Variants in OPRD1 observed in about 807,000 individuals in gnomAD.
OPRD1 encodes the protein opioid receptor delta 1, also known as delta-type opioid receptor.
OPRD1 carries 19 observed loss-of-function variants against 17.5 expected under a neutral mutation model. The observed-to-expected ratio is 1.09, with a 90% CI of 0.76 to 1.60. The LOEUF (loss-of-function observed/expected upper bound fraction) is 1.60. Ranked by LOEUF, OPRD1 falls within the 40% of genes most tolerant of loss-of-function variation. The pLI is 0.00. For missense variants in OPRD1, 483 were observed against 547.2 expected (o/e 0.88, Z 1.17); for synonymous variants, 256 against 240.9 (o/e 1.06, Z -0.58).
chr1:28,813,360 C>G (rs2088648360), intron 1 of OPRD1, among the ~76,000 whole-genome samples: 1 of 152,176 alleles, frequency 6.6e-6, no homozygotes, highest in East Asian at 1.9e-4. Context: ...CCCATCTGGT[C>G]AGGAATTCTG....
intron 1 of OPRD1, among the ~76,000 whole-genome samples, chr1:28,829,183 C>T (rs1297105366): frequency 6.6e-6 from 1 of 152,104 alleles, no homozygotes; most frequent in East Asian, 1.9e-4. Context: ...ATGGACCAGC[C>T]TCTGCCACCT....
intron 1 of OPRD1, among the ~76,000 whole-genome samples, chr1:28,825,600 G>T (rs982603803): frequency 6.6e-6 from 1 of 152,148 alleles, no homozygotes; most frequent in Non-Finnish European, 1.5e-5. Context: ...TGGTCAGGCT[G>T]GTCTTGAACT....
intron 1 of OPRD1, among the ~76,000 whole-genome samples, chr1:28,856,585 C>T (rs1235302227): frequency 1.3e-5 from 2 of 152,192 alleles, no homozygotes; most frequent in African/African-American, 4.8e-5. Flanking sequence ...ATAGCCCTGT[C>T]TCGGGGTGCC....
intron 1 of OPRD1, among the ~76,000 whole-genome samples, chr1:28,843,344 A>C (rs1408997071): frequency 6.6e-6 from 1 of 152,138 alleles, no homozygotes; most frequent in African/African-American, 2.4e-5. Flanking sequence ...CATTAAGTAC[A>C]TTCACACTGT....
chr1:28,859,035 T>C lies in OPRD1; in HGVS notation c.309T>C (p.Pro103=). The C allele has an allele frequency of 1.2e-6, 2 of 1,614,202 alleles. No homozygotes were observed. The highest frequency in any genetic ancestry group is 1.7e-6 in the Non-Finnish European group (2 of 1,180,040). Residue 103 remains proline (P), a synonymous_variant, in exon 2 of 3, where the codon CCT becomes CCC. Transcript: ENST00000234961. ...ATGCGCTGGCCACCAGCACGCTGCC[T>C]TTCCAGAGTGCCAAGTACCTGATGG... The part of the protein sequence containing the change: ...LADALATSTL[P]FQSAKYLMET...
At chr1:28,831,222 G>A (rs1365709738) in intron 1 of OPRD1, among the ~76,000 whole-genome samples, 2 of 152,192 alleles carry the variant, frequency 1.3e-5, no homozygotes, top group Non-Finnish European at 2.9e-5. Flanking sequence ...CCATATAAGA[G>A]AGGGCTCGGC....
intron 1 of OPRD1, among the ~76,000 whole-genome samples, chr1:28,836,017 C>T (rs1456157290): frequency 1.3e-5 from 2 of 152,200 alleles, no homozygotes; most frequent in African/African-American, 4.8e-5. Flanking sequence ...CGCTCGTAAA[C>T]GCTCTACCCA....
chr1:28,830,596 T>G (rs535821539), intron 1 of OPRD1, among the ~76,000 whole-genome samples: 4 of 152,138 alleles, frequency 2.6e-5, no homozygotes, highest in Admixed American at 6.5e-5. Context: ...TATGAAAAAT[T>G]TGAAATATTG....
At chr1:28,822,940 C>T (rs1191356840) in intron 1 of OPRD1, among the ~76,000 whole-genome samples, 5 of 152,080 alleles carry the variant, frequency 3.3e-5, no homozygotes, top group Non-Finnish European at 5.9e-5. Flanking sequence ...ATTGGCCACA[C>T]GGAATGTCAT....
chr1:28,819,449 G>A (rs1184624540), intron 1 of OPRD1, among the ~76,000 whole-genome samples: 1 of 152,160 alleles, frequency 6.6e-6, no homozygotes, highest in African/African-American at 2.4e-5. Flanking sequence ...CCTGGGGAGT[G>A]TGTGTGACTT....
chr1:28,840,815 G>A (rs1002523861), intron 1 of OPRD1, among the ~76,000 whole-genome samples: 6 of 152,026 alleles, frequency 3.9e-5, no homozygotes, highest in Non-Finnish European at 8.8e-5. Context: ...CCAGCTACTC[G>A]GGAGGCTGAG....
rs1243359489 is a variant in OPRD1 at position 28,868,777 on chromosome 1, TTACAGTGA to T, written c.*5495_*5502del. 1 of 151,708 alleles carries T rather than the reference TTACAGTGA, an allele frequency of 6.6e-6. No individual in the cohort carries two copies. The highest frequency in any genetic ancestry group is 2.4e-5 in the African/African-American group (1 of 41,204). The allele number at this position is 151,708 out of a possible 1,614,324, so 9.4% of individuals were successfully genotyped here. ...ATCGCCTGAACCCAGGAAGCAGAGGTTACAGTGAGCCAAGATCTTGCCACTGTACTCCA... is the reference window on the plus strand; with the variant it reads ...ATCGCCTGAACCCAGGAAGCAGAGGTGCCAAGATCTTGCCACTGTACTCCA... On this transcript the variant is annotated 3_prime_UTR_variant, in exon 3 of 3. Coordinates refer to ENST00000234961, the MANE Select transcript of OPRD1 (RefSeq NM_000911.4).
intron 1 of OPRD1, among the ~76,000 whole-genome samples, chr1:28,823,879 C>T (rs932958553): frequency 3.3e-5 from 5 of 149,604 alleles, no homozygotes; most frequent in Non-Finnish European, 7.4e-5. Context: ...CCTGTGAGGT[C>T]AAAAAAACCC....
chr1:28,852,223 T>TCCAGGACA (rs1177663111), intron 1 of OPRD1, among the ~76,000 whole-genome samples: 6 of 143,966 alleles, frequency 4.2e-5, no homozygotes, highest in Non-Finnish European at 9.1e-5. Flanking sequence ...GGAGGAAAGG[T>TCCAGGACA]CCAGGACATA....
In OPRD1 at chr1:28,848,746, G is replaced by T. The variant is rs2088974326; in HGVS notation, c.228-10208G>T. 2.0e-5 allele frequency among the ~76,000 whole-genome samples: 3 copies of T among 152,228 alleles called. 1 individual carries two copies. The South Asian group carries it at 6.2e-4, about 32-fold the overall frequency. On this transcript the variant is annotated intron_variant, in intron 1 of 2. Coordinates refer to ENST00000234961, the MANE Select transcript of OPRD1 (RefSeq NM_000911.4). ...TACCAGATGTTGGCACTTAGACTGAGTTCAATACCAGCTCTGCCACTTACT... is the reference window on the plus strand; with the variant it reads ...TACCAGATGTTGGCACTTAGACTGATTTCAATACCAGCTCTGCCACTTACT...
Position 28,862,845 on chromosome 1 carries a change from C to T in OPRD1, c.681C>T (p.Leu227=). 1 of 1,613,070 alleles carries T rather than the reference C, an allele frequency of 6.2e-7. No individual in the cohort carries two copies. ...TCTTCGCCTTCGTGGTGCCCATCCT[C>T]ATCATCACCGTGTGCTATGGCCTCA... ...VFLFAFVVPI[L]IITVCYGLML... is the part of the protein sequence containing the mutation. Residue 227 remains leucine (L), a synonymous_variant, in exon 3 of 3, where the codon CTC becomes CTT. Transcript: ENST00000234961.
chr1:28,815,826 G>A (rs922156163), intron 1 of OPRD1, among the ~76,000 whole-genome samples: 1 of 152,194 alleles, frequency 6.6e-6, no homozygotes, highest in Non-Finnish European at 1.5e-5. Flanking sequence ...GGGGGGTGGG[G>A]AGCAGGTGTG....
At chr1:28,825,245 G>A (rs2088754221) in intron 1 of OPRD1, among the ~76,000 whole-genome samples, 1 of 152,158 alleles carries the variant, frequency 6.6e-6, no homozygotes, top group Admixed American at 6.5e-5. Context: ...TGTGTCTTTT[G>A]AGTCCATGGC....
At position 28,847,426 on chromosome 1, in the gene OPRD1, C is replaced by A. The variant is rs145514452; in HGVS notation, c.228-11528C>A. 1.2e-3 allele frequency among the ~76,000 whole-genome samples: 181 copies of A among 152,254 alleles called. 1 individual carries two copies. The highest frequency in any genetic ancestry group is 4.2e-3 in the African/African-American group (175 of 41,544). On this transcript the variant is annotated intron_variant, in intron 1 of 2. Coordinates refer to ENST00000234961, the MANE Select transcript of OPRD1 (RefSeq NM_000911.4). The stretch of plus-strand genomic sequence containing the variant: ...AGGGCAGAGGTCCAGCCCAAATTGA[C>A]ATGAGTGCACTTAAATGGAAGGGCC...
Sources: gnomAD v4.1 joint callset for allele counts (sites outside exome capture counted in the v4.1 genomes callset) on GRCh38, gnomAD v4.1.1 for gene constraint, MANE v1.5 for transcripts, NCBI Gene and HGNC (gene_info 2026-07-23, HGNC 2026-07-21) for gene names.